Variants in CACNA2D1 observed in about 807,000 individuals in gnomAD.
CACNA2D1 encodes the protein voltage-dependent calcium channel subunit alpha-2/delta-1.
Under a neutral mutation model 171.5 loss-of-function variants are expected in CACNA2D1, and 53 were observed. The observed-to-expected ratio is 0.31, with a 90% CI of 0.25 to 0.39. The LOEUF (loss-of-function observed/expected upper bound fraction) is 0.39. Ranked by LOEUF, CACNA2D1 falls within the 10% of genes least tolerant of loss-of-function variation. The pLI, the probability that CACNA2D1 is intolerant of heterozygous loss-of-function variation, is 1.00. For synonymous variants in CACNA2D1, 442 were observed against 443.1 expected (o/e 1.00, Z 0.03); for missense variants, 903 against 1,299.8 (o/e 0.69, Z 4.69).
At chr7:82,337,538 T>C (rs1467947108) in intron 2 of CACNA2D1, among the ~76,000 whole-genome samples, 2 of 152,244 alleles carry the variant, frequency 1.3e-5, no homozygotes, top group Non-Finnish European at 2.9e-5. Context: ...CATATATTAA[T>C]ATTTCAAACA....
chr7:82,330,487 A>T (rs1372310231), intron 3 of CACNA2D1, among the ~76,000 whole-genome samples: 1 of 152,156 alleles, frequency 6.6e-6, no homozygotes, highest in Non-Finnish European at 1.5e-5. Context: ...GGCTTATAAG[A>T]AAACAACCAG....
At chr7:82,045,161 T>G (rs994803119) in intron 10 of CACNA2D1, among the ~76,000 whole-genome samples, 2 of 152,178 alleles carry the variant, frequency 1.3e-5, no homozygotes, top group Non-Finnish European at 2.9e-5. Flanking sequence ...CCAAATTACT[T>G]TCCAAAAATT....
At chr7:82,382,558 G>T (rs563095811) in intron 1 of CACNA2D1, among the ~76,000 whole-genome samples, 1 of 152,328 alleles carries the variant, frequency 6.6e-6, no homozygotes, top group African/African-American at 2.4e-5. Context: ...TCAGAGAACT[G>T]CTAGGGGAGG....
chr7:81,999,021 CAA>C (rs139170392), intron 18 of CACNA2D1, among the ~76,000 whole-genome samples: 3,302 of 151,916 alleles, frequency 0.022, 122 homozygotes, highest in African/African-American at 0.074. Context: ...CACTGCAAAG[CAA>C]AGTCAAAATA....
chr7:81,973,148 G>C, intron 25 of CACNA2D1, among the ~76,000 whole-genome samples: 1 of 152,060 alleles, frequency 6.6e-6, no homozygotes, highest in Non-Finnish European at 1.5e-5. Context: ...CAAGGAATAT[G>C]AGAGTGTTTC....
intron 3 of CACNA2D1, among the ~76,000 whole-genome samples, chr7:82,332,565 A>AGAAAGAACGAACGAAC (rs1491481168): frequency 2.7e-5 from 3 of 109,256 alleles, no homozygotes; most frequent in Non-Finnish European, 6.6e-5. Context: ...AAAGAAAGAA[A>AGAAAGAACGAACGAAC]GAACGAACAG....
At chr7:82,222,353 A>G (rs10226347) in intron 3 of CACNA2D1, among the ~76,000 whole-genome samples, 15,610 of 152,184 alleles carry the variant, frequency 0.1, 1,265 homozygotes, top group African/African-American at 0.22. Flanking sequence ...ATACAAGACT[A>G]TAGCCATATT....
rs71093365 is a variant in CACNA2D1 at position 82,174,042 on chromosome 7, C to CAAA, written c.295-3436_295-3434dup. Among the ~76,000 whole-genome samples, 134 of 45,640 alleles carry CAAA rather than the reference C, an allele frequency of 2.9e-3. 17 individuals are homozygous for CAAA. Among genetic ancestry groups the CAAA allele is most frequent in the African/African-American group, 9.7e-3 (111 of 11,432 alleles). 29.9% of individuals were successfully genotyped at this position (45,640 alleles called of 152,430 possible). On this transcript the variant is annotated intron_variant, in intron 3 of 38. Coordinates refer to ENST00000356860, the MANE Select transcript of CACNA2D1 (RefSeq NM_000722.4). ...TGAGCTATAGTGCAAGACCCTGTCT[C>CAAA]AAAAAAAAAAAAAAAAAAAAAAAAA...
At chr7:82,184,707 T>G (rs1005016922) in intron 3 of CACNA2D1, among the ~76,000 whole-genome samples, 1 of 152,148 alleles carries the variant, frequency 6.6e-6, no homozygotes, top group Non-Finnish European at 1.5e-5. Flanking sequence ...TTAAGAAAAA[T>G]TAAAATTACA....
At chr7:82,029,933 A>C (rs1802457339) in intron 12 of CACNA2D1, 2 of 151,894 alleles carry the variant, frequency 1.3e-5, no homozygotes, top group South Asian at 4.1e-4. Flanking sequence ...CCTTGGCATT[A>C]ATAAAGGTTA....
chr7:82,377,630 A>G (rs1823169085), intron 1 of CACNA2D1, among the ~76,000 whole-genome samples: 1 of 152,190 alleles, frequency 6.6e-6, no homozygotes, highest in Admixed American at 6.5e-5. Flanking sequence ...CTAATAATCA[A>G]GAGTCACTGT....
At chr7:82,093,385 A>C (rs1396565383) in intron 6 of CACNA2D1, among the ~76,000 whole-genome samples, 1 of 152,114 alleles carries the variant, frequency 6.6e-6, no homozygotes, top group Non-Finnish European at 1.5e-5. Context: ...TTTAAAATAT[A>C]TTTTTAATTT....
rs1164815444 is a variant in CACNA2D1, at chr7:81,949,679, TCA to T, written c.*711_*712del. 6.6e-6 allele frequency: 1 copy of T among 152,266 alleles called. No homozygotes were observed. Among genetic ancestry groups the T allele is most frequent in the Non-Finnish European group, 1.5e-5 (1 of 68,112 alleles). 9.4% of individuals were successfully genotyped at this position (152,266 alleles called of 1,614,324 possible). On this transcript the variant is annotated 3_prime_UTR_variant, in exon 39 of 39. Coordinates refer to ENST00000356860, the MANE Select transcript of CACNA2D1 (RefSeq NM_000722.4). ...TTGCTTACATTTATGAGGAAATATG[TCA>T]CATATTCTAATTTCTCCCTCAAGCA...
At chr7:82,171,298 A>C (rs1478785377) in intron 3 of CACNA2D1, among the ~76,000 whole-genome samples, 1 of 152,064 alleles carries the variant, frequency 6.6e-6, no homozygotes, top group African/African-American at 2.4e-5. Flanking sequence ...TCAGCCTGCC[A>C]ATCACTTTTT....
At chr7:82,145,364 C>A (rs1416136330) in intron 4 of CACNA2D1, among the ~76,000 whole-genome samples, 7 of 139,134 alleles carry the variant, frequency 5.0e-5, no homozygotes, top group Admixed American at 1.5e-4. Flanking sequence ...TTATATATTA[C>A]ACATTATATA....
intron 3 of CACNA2D1, among the ~76,000 whole-genome samples, chr7:82,256,277 G>C (rs1404581341): frequency 1.3e-5 from 2 of 152,090 alleles, no homozygotes; most frequent in African/African-American, 4.8e-5. Context: ...CTGGGTGACA[G>C]AGTAAGACTC....
At chr7:82,077,759 T>TA (rs10596724) in intron 7 of CACNA2D1, among the ~76,000 whole-genome samples, 21,322 of 145,020 alleles carry the variant, frequency 0.15, 2,382 homozygotes, top group African/African-American at 0.32. Flanking sequence ...AATGTTAAAG[T>TA]AAAAAAAAAA....
intron 4 of CACNA2D1, among the ~76,000 whole-genome samples, chr7:82,166,055 T>A (rs1305737185): frequency 6.6e-6 from 1 of 151,992 alleles, no homozygotes; most frequent in East Asian, 1.9e-4. Context: ...TTCAAAAATG[T>A]TTCTGCTACA....
rs1792008600 is a variant in CACNA2D1 at position 82,138,724 on chromosome 7, G to A, written c.355-2048C>T. Among the ~76,000 whole-genome samples, 3 of 152,146 alleles carry A rather than the reference G, an allele frequency of 2.0e-5. No individual in the cohort carries two copies. In the South Asian group the frequency reaches 6.2e-4, roughly 32 times the overall value. On this transcript the variant is annotated intron_variant, in intron 4 of 38. Transcript: ENST00000356860. ...GCCTCCCAAAGTGCTGGGATTACAG[G>A]CGTGAGCCACCGCGCCCGACCTTAT...
Sources: allele counts gnomAD v4.1 joint callset (sites outside exome capture counted in the v4.1 genomes callset), GRCh38; gene constraint gnomAD v4.1.1; transcripts MANE v1.5; gene names NCBI Gene and HGNC (gene_info 2026-07-23, HGNC 2026-07-21).